EBF4: variants seen among roughly 807,000 people sequenced by gnomAD.
EBF4 encodes the protein transcription factor COE4.
A neutral mutation model predicts 67.1 loss-of-function variants in EBF4; 34 were observed. That is an observed-to-expected ratio of 0.51 (90% CI 0.39 to 0.67). The LOEUF (loss-of-function observed/expected upper bound fraction) is 0.67. Ranked by LOEUF, EBF4 falls within the 30% of genes least tolerant of loss-of-function variation. The pLI, the probability that EBF4 is intolerant of heterozygous loss-of-function variation, is 0.00. For synonymous variants in EBF4, 387 were observed against 377.7 expected (o/e 1.02, Z -0.29); for missense variants, 837 against 873.3 (o/e 0.96, Z 0.52).
rs185218356 is a variant in EBF4 at position 2,734,503 on chromosome 20, G to C, written c.558-14046G>C. Among the ~76,000 whole-genome samples the C allele has an allele frequency of 9.9e-5, 15 of 152,186 alleles. No homozygotes were observed. In the East Asian group the frequency reaches 2.7e-3, roughly 27 times the overall value. ...GTTGGCTGCTTTATTACAATGTATGGGTCTTACTTTCCTGTACCTTGCATG... is the reference window on the plus strand; with the variant it reads ...GTTGGCTGCTTTATTACAATGTATGCGTCTTACTTTCCTGTACCTTGCATG... On this transcript the variant is annotated intron_variant, in intron 6 of 16. Transcript: ENST00000609451.
intron 1 of EBF4, among the ~76,000 whole-genome samples, chr20:2,704,405 G>A (rs2146380018): frequency 6.6e-6 from 1 of 152,320 alleles, no homozygotes; most frequent in South Asian, 2.1e-4. Flanking sequence ...GTGGCTCAGA[G>A]AAGAGAATCT....
intron 6 of EBF4, among the ~76,000 whole-genome samples, chr20:2,712,803 G>A (rs2087560903): frequency 6.6e-6 from 1 of 152,180 alleles, no homozygotes. Flanking sequence ...AGGGAAGTCA[G>A]GGGAGTGTCG....
chr20:2,759,391 A>C, exon 17 of EBF4: 1 of 199,394 alleles, frequency 5.0e-6, no homozygotes, highest in Non-Finnish European at 1.0e-5. Flanking sequence ...CGTGAGCTGA[A>C]CGGGGAGAGG....
At chr20:2,723,118 A>G (rs2087703730) in intron 6 of EBF4, among the ~76,000 whole-genome samples, 1 of 152,184 alleles carries the variant, frequency 6.6e-6, no homozygotes, top group Admixed American at 6.5e-5. Context: ...TAAATTGTGG[A>G]CAGGCTTTTA....
At chr20:2,729,075 T>C (rs952139904) in intron 6 of EBF4, among the ~76,000 whole-genome samples, 6 of 152,208 alleles carry the variant, frequency 3.9e-5, no homozygotes, top group Non-Finnish European at 8.8e-5. Flanking sequence ...CATTTTAAAA[T>C]GTTTTTTGAT....
At position 2,751,912 on chromosome 20, in the gene EBF4, CT is replaced by C. The variant is rs778460551; in HGVS notation, c.1108-9del. On this transcript the variant is annotated splice_polypyrimidine_tract_variant and intron_variant, in intron 11 of 16. Transcript: ENST00000609451. This position sits in a 1 kb window ranked among gnomAD's most constrained non-coding sequence, Gnocchi z 5.2. ...CCCCTCCGTCCCGCTGTCTCTCCCC[CT>C]GTCCCCAGGAAGTGCTGCTGAAGCG... The C allele has an allele frequency of 1.0e-4, 161 of 1,549,444 alleles. No homozygotes were observed. The African/African-American group carries it at 1.8e-3, about 18-fold the overall frequency.
intron 7 of EBF4, 125 bp from the exon 8 acceptor site, chr20:2,749,276 C>T (rs1276487375): frequency 2.3e-5 from 16 of 692,140 alleles, no homozygotes; most frequent in Non-Finnish European, 3.8e-5. Flanking sequence ...AAGCCCTCCT[C>T]CTCCCACCAG....
Position 2,745,590 on chromosome 20 carries a change from T to A in EBF4, c.558-2959T>A, listed in dbSNP as rs916081257. On this transcript the variant is annotated intron_variant, in intron 6 of 16. Transcript: ENST00000609451. This position sits in a 1 kb window ranked among gnomAD's most constrained non-coding sequence, Gnocchi z 5.2. Reference sequence around the variant, plus strand: ...AATTGGTGTGGACCCAAAGGACAAATGAAACCTGTACTGTAAAGGGACAGT... The same window carrying A: ...AATTGGTGTGGACCCAAAGGACAAAAGAAACCTGTACTGTAAAGGGACAGT... 2.0e-5 allele frequency among the ~76,000 whole-genome samples: 3 copies of A among 151,992 alleles called. No homozygotes were observed. The highest frequency in any genetic ancestry group is 7.3e-5 in the African/African-American group (3 of 41,364).
chr20:2,696,836 A>G lies in EBF4; in HGVS notation c.137+3054A>G, dbSNP rs1430197736. ...TTAATGCTGCCTACGAATGCTTACCATAGGCCAGCATCTGCTCTCCTCTGC... is the reference window on the plus strand; with the variant it reads ...TTAATGCTGCCTACGAATGCTTACCGTAGGCCAGCATCTGCTCTCCTCTGC... On this transcript the variant is annotated intron_variant, in intron 1 of 16. Transcript: ENST00000609451. The surrounding 1 kb of genome is among the most constrained non-coding windows in gnomAD (Gnocchi z 4.7). Among the ~76,000 whole-genome samples the G allele has an allele frequency of 1.3e-5, 2 of 151,718 alleles. No individual in the cohort carries two copies. The highest frequency in any genetic ancestry group is 1.5e-5 in the Non-Finnish European group (1 of 67,906).
intron 10 of EBF4, 143 bp downstream of exon 10, chr20:2,750,116 C>G: frequency 8.1e-7 from 1 of 1,228,872 alleles, no homozygotes; most frequent in Non-Finnish European, 1.1e-6. Flanking sequence ...GCCCCTTTAA[C>G]CACCTATGCC....
exon 2 of EBF4, chr20:2,705,589 G>T: frequency 6.4e-7 from 1 of 1,551,994 alleles, no homozygotes; most frequent in Non-Finnish European, 8.7e-7. Context: ...GCGTGGGTCT[G>T]GCACGAGCAC....
At chr20:2,743,415 A>G (rs989976956) in intron 6 of EBF4, among the ~76,000 whole-genome samples, 3 of 152,232 alleles carry the variant, frequency 2.0e-5, no homozygotes, top group Admixed American at 2.0e-4. Flanking sequence ...AGGAGCCTTT[A>G]GGGGCGGGTC....
At chr20:2,703,951 C>T (rs573125489) in intron 1 of EBF4, among the ~76,000 whole-genome samples, 3 of 152,114 alleles carry the variant, frequency 2.0e-5, no homozygotes, top group South Asian at 2.1e-4. Flanking sequence ...GGCTGGCTAT[C>T]GGCAGGAGGC....
chr20:2,703,720 GA>G (rs144819609), intron 1 of EBF4, among the ~76,000 whole-genome samples: 20 of 144,002 alleles, frequency 1.4e-4, no homozygotes, highest in Admixed American at 6.8e-4. Context: ...TATCTAAAAA[GA>G]AAAAAAAAAC....
chr20:2,757,546 A>C (rs6051361), intron 15 of EBF4, among the ~76,000 whole-genome samples: 2 of 152,320 alleles, frequency 1.3e-5, no homozygotes, highest in African/African-American at 4.8e-5. Flanking sequence ...AGGTTTGAAG[A>C]AGGCAGGGGT....
chr20:2,704,511 ACAG>A (rs1467691730), intron 1 of EBF4, among the ~76,000 whole-genome samples: 1 of 152,228 alleles, frequency 6.6e-6, no homozygotes, highest in African/African-American at 2.4e-5. Flanking sequence ...CACCTGCGGT[ACAG>A]CAGCAGCCTC....
At chr20:2,705,882 G>T in intron 2 of EBF4, 92 bp from the exon 3 acceptor site, 1 of 1,500,856 alleles carries the variant, frequency 6.7e-7, no homozygotes, top group South Asian at 1.3e-5. Context: ...GGCTGGAAGG[G>T]TGGGAAAGAA....
intron 6 of EBF4, among the ~76,000 whole-genome samples, chr20:2,730,394 G>A (rs2087797912): frequency 6.6e-6 from 1 of 152,042 alleles, no homozygotes; most frequent in Non-Finnish European, 1.5e-5. Context: ...CTATCCTATT[G>A]TTATAAGGAC....
chr20:2,716,829 A>G (rs1329193189), intron 6 of EBF4, among the ~76,000 whole-genome samples: 1 of 151,958 alleles, frequency 6.6e-6, no homozygotes, highest in African/African-American at 2.4e-5. Context: ...TATTCCTTTG[A>G]TCTATTTGAT....
Sources: gnomAD v4.1 joint callset for allele counts (sites outside exome capture counted in the v4.1 genomes callset) on GRCh38, gnomAD v4.1.1 for gene constraint, Gnocchi (gnomAD v3.1) non-coding constraint, MANE v1.5 for transcripts, NCBI Gene and HGNC (gene_info 2026-07-23, HGNC 2026-07-21) for gene names.